GSDME: variants seen among roughly 807,000 people sequenced by gnomAD.
GSDME encodes gasdermin-E.
Under a neutral mutation model 47.5 loss-of-function variants are expected in GSDME, and 44 were observed. The observed-to-expected ratio is 0.93, with a 90% CI of 0.73 to 1.19. The LOEUF (loss-of-function observed/expected upper bound fraction) is 1.19. Ranked by LOEUF, GSDME falls within the 50% of genes most tolerant of loss-of-function variation. The pLI, the probability that GSDME is intolerant of heterozygous loss-of-function variation, is 0.00. For missense variants in GSDME, 663 were observed against 604.2 expected, an observed-to-expected ratio of 1.10 and a Z score of -1.02; for synonymous variants, 258 against 252.8, an observed-to-expected ratio of 1.02 and a Z score of -0.20.
Position 24,698,941 on chromosome 7 carries a change from G to T in GSDME, c.*85C>A. ...ACTGTTCTGTAAATTCATTTCATTG[G>T]TCAACTTTTAACGTGCATATGACCT... On this transcript the variant is annotated 3_prime_UTR_variant, in exon 10 of 10. Coordinates refer to ENST00000645220, the MANE Select transcript of GSDME (RefSeq NM_001127453.2). 1.1e-6 allele frequency: 1 copy of T among 938,002 alleles called. No homozygotes were observed. 58.1% of individuals were successfully genotyped at this position (938,002 alleles called of 1,614,324 possible).
At chr7:24,710,580 C>G in intron 5 of GSDME, 192 bp from the exon 6 acceptor site, 2 of 599,242 alleles carry the variant, frequency 3.3e-6, no homozygotes, top group Non-Finnish European at 5.9e-6. Flanking sequence ...CCAGCCACTT[C>G]CAACAAATAA....
chr7:24,719,238 G>T lies in GSDME; in HGVS notation c.405-20C>A. The T allele has an allele frequency of 6.2e-7, 1 of 1,605,680 alleles. No homozygotes were observed. ...ATTGTTCTGAAAAAGAAAAACGGAT[G>T]TGAGTGGCTTAGTGCCTCAGGGGAC... On this transcript the variant is annotated intron_variant, in intron 3 of 9. Transcript: ENST00000645220.
At chr7:24,746,045 C>T (rs1363819900) in intron 2 of GSDME, among the ~76,000 whole-genome samples, 2 of 152,060 alleles carry the variant, frequency 1.3e-5, no homozygotes, top group Non-Finnish European at 2.9e-5. Flanking sequence ...TTCTTTCCAT[C>T]CACTCACTGC....
At chr7:24,788,254 G>A in the GSDME span, among the ~76,000 whole-genome samples, 1 of 152,154 alleles carries the variant, frequency 6.6e-6, no homozygotes, top group African/African-American at 2.4e-5. This position sits in a 1 kb window ranked among gnomAD's most constrained non-coding sequence, Gnocchi z 4.6. Flanking sequence ...GGGCTCTCTC[G>A]GGTTCAGCCA....
intron 4 of GSDME, among the ~76,000 whole-genome samples, chr7:24,717,768 A>G (rs1442817487): frequency 6.6e-6 from 1 of 152,198 alleles, no homozygotes; most frequent in East Asian, 1.9e-4. Flanking sequence ...AACCTAGCTG[A>G]GAGGGCCCCC....
the GSDME span, among the ~76,000 whole-genome samples, chr7:24,776,423 G>C: frequency 2.0e-5 from 3 of 152,042 alleles, no homozygotes; most frequent in Non-Finnish European, 2.9e-5. Flanking sequence ...CAAAAAGATA[G>C]ATCAGTGTAA....
rs1048059604 is a variant in GSDME at position 24,732,699 on chromosome 7, C to T, written c.404+11863G>A. ...CCAACACCGGGCAGAACTCAGCCAGCGCCCACTGAGGGAGCATGTAGACCA... is the reference window on the plus strand; with the variant it reads ...CCAACACCGGGCAGAACTCAGCCAGTGCCCACTGAGGGAGCATGTAGACCA... On this transcript the variant is annotated intron_variant, in intron 3 of 9. Transcript: ENST00000645220. The surrounding 1 kb of genome is among the most constrained non-coding windows in gnomAD (Gnocchi z 4.8). 1.2e-4 allele frequency among the ~76,000 whole-genome samples: 18 copies of T among 152,194 alleles called. No homozygotes were observed. The highest frequency in any genetic ancestry group is 3.1e-4 in the African/African-American group (13 of 41,430).
At chr7:24,722,231 G>T (rs2237315) in intron 3 of GSDME, among the ~76,000 whole-genome samples, 66,000 of 151,970 alleles carry the variant, frequency 0.43, 15,540 homozygotes, top group African/African-American at 0.61. Context: ...TTCCTCTATT[G>T]GTTGAATGAA....
chr7:24,698,574 A>G lies in GSDME; in HGVS notation c.*452T>C, dbSNP rs1788729083. 1 of 242,764 alleles carries G rather than the reference A, an allele frequency of 4.1e-6. No homozygotes were observed. Among genetic ancestry groups the G allele is most frequent in the Non-Finnish European group, 8.1e-6 (1 of 123,534 alleles). The allele number at this position is 242,764 out of a possible 1,614,324, so 15.0% of individuals were successfully genotyped here. A position where few individuals can be genotyped will look rare whatever the true frequency, so the allele number is the denominator to read the frequency against. On this transcript the variant is annotated 3_prime_UTR_variant, in exon 10 of 10. Coordinates refer to ENST00000645220, the MANE Select transcript of GSDME (RefSeq NM_001127453.2). The stretch of plus-strand genomic sequence containing the variant: ...GAGCATTTACAGTTCATTTTCAGTC[A>G]TCAAATAACATACATCACTTCCAAA...
chr7:24,786,135 G>A, the GSDME span, among the ~76,000 whole-genome samples: 1 of 152,102 alleles, frequency 6.6e-6, no homozygotes, highest in Non-Finnish European at 1.5e-5. This position sits in a 1 kb window ranked among gnomAD's most constrained non-coding sequence, Gnocchi z 5.5. Context: ...ATGATAATCT[G>A]TCCATCTGCT....
chr7:24,707,865 G>A, intron 7 of GSDME: 1 of 571,162 alleles, frequency 1.8e-6, no homozygotes, highest in Non-Finnish European at 3.1e-6. Flanking sequence ...TGGACTTTTG[G>A]GCTCCAAAAC....
At chr7:24,711,350 G>A (rs6960837) in intron 5 of GSDME, among the ~76,000 whole-genome samples, 5,850 of 151,858 alleles carry the variant, frequency 0.039, 157 homozygotes, top group Non-Finnish European at 0.057. Flanking sequence ...TCACCCTCCC[G>A]AGTAGCTGGG....
chr7:24,716,123 A>T lies in GSDME; in HGVS notation c.697+1131T>A, dbSNP rs1789543808. Among the ~76,000 whole-genome samples, 1 of 152,164 alleles carries T rather than the reference A, an allele frequency of 6.6e-6. No individual in the cohort carries two copies. The highest frequency in any genetic ancestry group is 2.4e-5 in the African/African-American group (1 of 41,440). ...CACCCGCCTTCCACAAATGGGGGAG[A>T]AGCAGGAGGCAGCAGCAGGCATGTG... On this transcript the variant is annotated intron_variant, in intron 5 of 9. Coordinates refer to ENST00000645220, the MANE Select transcript of GSDME (RefSeq NM_001127453.2). The surrounding 1 kb of genome is among the most constrained non-coding windows in gnomAD (Gnocchi z 4.5).
intron 2 of GSDME, among the ~76,000 whole-genome samples, chr7:24,746,055 C>A (rs1790657513): frequency 6.6e-6 from 1 of 152,028 alleles, no homozygotes. Flanking sequence ...CCACTCACTG[C>A]CCCAACACCC....
the GSDME span, among the ~76,000 whole-genome samples, chr7:24,768,714 G>C: frequency 0.085 from 12,900 of 152,278 alleles, 744 homozygotes; most frequent in Non-Finnish European, 0.13. The surrounding 1 kb of genome is among the most constrained non-coding windows in gnomAD (Gnocchi z 5.6). Flanking sequence ...GCCATGCTAT[G>C]ACAAAGATTG....
At position 24,716,913 on chromosome 7, in the gene GSDME, ACAT is replaced by A; in HGVS notation, c.697+338_697+340del. The A allele has an allele frequency of 2.7e-6, 1 of 370,514 alleles. No homozygotes were observed. Among genetic ancestry groups the A allele is most frequent in the Non-Finnish European group, 5.2e-6 (1 of 190,562 alleles). The allele number at this position is 370,514 out of a possible 1,614,324, so 23.0% of individuals were successfully genotyped here. A position where few individuals can be genotyped will look rare whatever the true frequency, so the allele number is the denominator to read the frequency against. On this transcript the variant is annotated intron_variant, in intron 5 of 9. Coordinates refer to ENST00000645220, the MANE Select transcript of GSDME (RefSeq NM_001127453.2). The surrounding 1 kb of genome is among the most constrained non-coding windows in gnomAD (Gnocchi z 4.5). ...AGCAACTTGCCTGAGACCTCATAGG[ACAT>A]CATGGCACCGGGGTTGATGCCCAGT...
In GSDME at chr7:24,732,365, G is replaced by C. The variant is rs1041892458; in HGVS notation, c.404+12197C>G. 6.6e-6 allele frequency among the ~76,000 whole-genome samples: 1 copy of C among 152,148 alleles called. No homozygotes were observed. Among genetic ancestry groups the C allele is most frequent in the Non-Finnish European group, 1.5e-5 (1 of 68,032 alleles). On this transcript the variant is annotated intron_variant, in intron 3 of 9. Coordinates refer to ENST00000645220, the MANE Select transcript of GSDME (RefSeq NM_001127453.2). This position sits in a 1 kb window ranked among gnomAD's most constrained non-coding sequence, Gnocchi z 4.8. ...AAACTCCTAAATGTTAAAGGACCAGGAGCAGAGCAAGATGGGTGAATGGAA... is the reference window on the plus strand; with the variant it reads ...AAACTCCTAAATGTTAAAGGACCAGCAGCAGAGCAAGATGGGTGAATGGAA...
the GSDME span, among the ~76,000 whole-genome samples, chr7:24,767,485 C>T: frequency 1.0e-5 from 1 of 97,344 alleles, no homozygotes; most frequent in East Asian, 5.6e-4. The surrounding 1 kb of genome is among the most constrained non-coding windows in gnomAD (Gnocchi z 5.3). Flanking sequence ...CCCGCCATCA[C>T]TGCAAAAGAA....
chr7:24,749,713 G>A lies in GSDME; in HGVS notation c.62C>T (p.Ala21Val). ...ATCAGAGTCATTCAGATTTGATACT[G>A]CAATCAGGTCACCATCAGCATCAAC... ...REVDADGDLI[A>V]VSNLNDSDKL... Residue 21 changes from alanine (A) to valine (V), a missense_variant, in exon 2 of 10, where the codon GCA (alanine) becomes GTA (valine). Transcript: ENST00000645220. 1 of 1,614,066 alleles carries A rather than the reference G, an allele frequency of 6.2e-7. No individual in the cohort carries two copies. The highest frequency in any genetic ancestry group is 2.2e-5 in the East Asian group (1 of 44,878).
Sources: allele counts gnomAD v4.1 joint callset (sites outside exome capture counted in the v4.1 genomes callset), GRCh38; gene constraint gnomAD v4.1.1; non-coding constraint Gnocchi (gnomAD v3.1); transcripts MANE v1.5; gene names NCBI Gene and HGNC (gene_info 2026-07-23, HGNC 2026-07-21).